Variants in XKRX observed in about 807,000 individuals in gnomAD.
XKRX encodes the protein XK related X-linked, also known as XK-related protein 2.
XKRX carries 11 observed loss-of-function variants against 22.4 expected under a neutral mutation model. The observed-to-expected ratio is 0.49, with a 90% CI of 0.31 to 0.81. XKRX has a LOEUF of 0.81. Among genes scored for constraint, XKRX ranks in the 40% least tolerant of loss-of-function variants. The pLI, the probability that XKRX is intolerant of heterozygous loss-of-function variation, is 0.05. For synonymous variants in XKRX, 114 were observed against 132.2 expected (o/e 0.86, Z 0.94); for missense variants, 320 against 336.5 (o/e 0.95, Z 0.38).
the XKRX span, among the ~76,000 whole-genome samples, chrX:100,942,002 C>T: frequency 2.7e-5 from 3 of 110,286 alleles, no homozygotes; most frequent in South Asian, 8.0e-4. Context: ...CACACACCAC[C>T]GCACCCGGCT....
chrX:100,897,625 G>T, the XKRX span, among the ~76,000 whole-genome samples: 6 of 92,138 alleles, frequency 6.5e-5, no homozygotes, highest in Non-Finnish European at 1.3e-4. Context: ...GTGTGTGTGT[G>T]TGTGTGTGTG....
chrX:100,930,018 G>A (rs1187341534), upstream of XKRX, among the ~76,000 whole-genome samples: 2 of 111,164 alleles, frequency 1.8e-5, no homozygotes, highest in African/African-American at 6.6e-5. Flanking sequence ...GCCAGGCACA[G>A]TGGTTCACGC....
the XKRX span, chrX:100,957,120 G>A: frequency 1.7e-6 from 2 of 1,157,603 alleles, no homozygotes; most frequent in African/African-American, 3.5e-5. Flanking sequence ...TCCTGCCATT[G>A]TTTATGCCAA....
the XKRX span, among the ~76,000 whole-genome samples, chrX:100,905,586 A>G: frequency 8.9e-6 from 1 of 112,453 alleles, no homozygotes; most frequent in Non-Finnish European, 1.9e-5. Flanking sequence ...AACTGCTGAA[A>G]AAAGCTTGAA....
chrX:100,926,931 T>A (rs1247613599), intron 1 of XKRX, among the ~76,000 whole-genome samples: 1 of 111,880 alleles, frequency 8.9e-6, no homozygotes, highest in Non-Finnish European at 1.9e-5. Flanking sequence ...TATATTGGGT[T>A]GGGGTACAGA....
At chrX:100,935,592 A>C in the XKRX span, among the ~76,000 whole-genome samples, 94 of 111,895 alleles carry the variant, frequency 8.4e-4, 1 homozygote, top group African/African-American at 3.0e-3. Context: ...CTATTCCAAT[A>C]GGCAGCTTTG....
At chrX:100,942,090 TAC>T in the XKRX span, among the ~76,000 whole-genome samples, 2 of 111,003 alleles carry the variant, frequency 1.8e-5, no homozygotes, top group South Asian at 7.6e-4. Flanking sequence ...TCAGGTGATC[TAC>T]CCGCCTCGGC....
At chrX:100,957,498 C>A in the XKRX span, 10 of 1,184,829 alleles carry the variant, frequency 8.4e-6, no homozygotes, top group Admixed American at 2.2e-4. Context: ...GACGCATCTT[C>A]ATAAACAGGC....
chrX:100,959,165 GT>G, the XKRX span, among the ~76,000 whole-genome samples: 1 of 111,366 alleles, frequency 9.0e-6, no homozygotes, highest in East Asian at 2.8e-4. Context: ...GTTACAGCTT[GT>G]TTTTCGAGAG....
At chrX:100,923,971 G>A (rs1208952498) in intron 1 of XKRX, among the ~76,000 whole-genome samples, 57 of 105,192 alleles carry the variant, frequency 5.4e-4, no homozygotes, top group Non-Finnish European at 1.0e-3. Context: ...TGAGTAGCTG[G>A]GATTACAGGC....
Position 100,922,932 on chromosome X carries a change from G to A in XKRX, c.465C>T (p.Gly155=), listed in dbSNP as rs949796765. 3 of 1,211,555 alleles carry A rather than the reference G, an allele frequency of 2.5e-6. No individual in the cohort carries two copies. The Admixed American group carries it at 6.5e-5, about 26-fold the overall frequency. ...GCATAGCCAGGGTCCGGATGGAGTG[G>A]CCCACCTCCCATTCTATCAGCACCT... The part of the protein sequence containing the change: ...GEEVLIEWEV[G]HSIRTLAMHR... The change falls in exon 2 of 3, where the codon GGC becomes GGT. Residue 155 remains glycine, a synonymous_variant. Transcript: ENST00000372956.
Position 100,928,197 on chromosome X carries a change from G to A in XKRX, c.108C>T (p.Ser36=). ...GANPRFTFPF[S]ILFSTFLYCG... ...AGTACAAAAAGGTGGAGAAAAGGATGCTAAATGGAAAAGTAAATCGGGGGT... is the reference window on the plus strand; with the variant it reads ...AGTACAAAAAGGTGGAGAAAAGGATACTAAATGGAAAAGTAAATCGGGGGT... The change falls in exon 1 of 3, where the codon AGC becomes AGT. Residue 36 remains serine (S), a synonymous_variant. Transcript: ENST00000372956. 1 of 1,212,117 alleles carries A rather than the reference G, an allele frequency of 8.3e-7. No homozygotes were observed. The highest frequency in any genetic ancestry group is 1.1e-6 in the Non-Finnish European group (1 of 895,598).
chrX:100,956,791 A>T, the XKRX span: 267 of 565,165 alleles, frequency 4.7e-4, no homozygotes, highest in Non-Finnish European at 8.0e-4. Flanking sequence ...GCAGAACTTC[A>T]GGGAGGTTTG....
rs756646928 is a variant in XKRX, at chrX:100,914,827, C to A, written c.861G>T (p.Lys287Asn). 1 of 1,211,735 alleles carries A rather than the reference C, an allele frequency of 8.3e-7. No homozygotes were observed. Among genetic ancestry groups the A allele is most frequent in the Non-Finnish European group, 1.1e-6 (1 of 895,596 alleles). The change falls in exon 3 of 3, where the codon AAG (lysine) becomes AAT (asparagine). Residue 287 changes from lysine (K) to asparagine (N), a missense_variant. Physicochemically the swap from Lys to Asn is moderately conservative, Grantham distance 94. Coordinates refer to ENST00000372956, the MANE Select transcript of XKRX (RefSeq NM_212559.3). ...FLIILFEPWI[K>N]FWRSGAQMPN... ...GCATCTGGGCACCACTTCTCCAGAACTTAATCCAGGGCTCAAAGAGGATGA... is the reference window on the plus strand; with the variant it reads ...GCATCTGGGCACCACTTCTCCAGAAATTAATCCAGGGCTCAAAGAGGATGA...
In XKRX at chrX:100,914,317, TAAAATACCCAG is replaced by T. The variant is rs1210494498; in HGVS notation, c.*10_*20del. ...ACTCTTGGCAACTCCCAACTCTTCC[TAAAATACCCAG>T]AAAATAGAATCAGACAACACTTTGC... On this transcript the variant is annotated 3_prime_UTR_variant, in exon 3 of 3. Transcript: ENST00000372956. 1.7e-6 allele frequency: 2 copies of T among 1,196,235 alleles called. No homozygotes were observed. The highest frequency in any genetic ancestry group is 2.3e-6 in the Non-Finnish European group (2 of 888,152).
the XKRX span, among the ~76,000 whole-genome samples, chrX:100,938,221 G>C: frequency 1.3e-4 from 14 of 111,683 alleles, no homozygotes; most frequent in African/African-American, 4.6e-4. Context: ...CATCACAGTG[G>C]GCCGGAAAAT....
At chrX:100,900,036 C>T in the XKRX span, among the ~76,000 whole-genome samples, 2 of 111,141 alleles carry the variant, frequency 1.8e-5, no homozygotes, top group Non-Finnish European at 3.8e-5. Context: ...CCCAAATAGC[C>T]AAAATAATCT....
At chrX:100,932,968 CA>C (rs747904677), upstream of XKRX, among the ~76,000 whole-genome samples, 13 of 110,247 alleles carry the variant, frequency 1.2e-4, no homozygotes, top group Middle Eastern at 4.7e-3. Context: ...AGTTTGAGAC[CA>C]ACCTGGGCAA....
At chrX:100,948,059 C>A in the XKRX span, among the ~76,000 whole-genome samples, 1,193 of 93,714 alleles carry the variant, frequency 0.013, 5 homozygotes, top group Middle Eastern at 0.037. Flanking sequence ...CAAGCCACCA[C>A]GCCCAGCTAA....
Sources: gnomAD v4.1 joint callset for allele counts (sites outside exome capture counted in the v4.1 genomes callset) on GRCh38, gnomAD v4.1.1 for gene constraint, MANE v1.5 for transcripts, NCBI Gene and HGNC (gene_info 2026-07-23, HGNC 2026-07-21) for gene names.